The following SRRM1 variants were observed in gnomAD, a reference collection of about 807,000 sequenced individuals.
SRRM1 encodes the protein serine and arginine repetitive matrix 1, also known as serine/arginine repetitive matrix protein 1.
A neutral mutation model predicts 110.2 loss-of-function variants in SRRM1; 19 were observed. The ratio of observed to expected loss-of-function variants is 0.17; its 90% CI spans 0.12 to 0.25. The LOEUF (loss-of-function observed/expected upper bound fraction) is 0.25, where lower values mean the gene tolerates loss of function less well. Among genes scored for constraint, SRRM1 ranks in the 10% least tolerant of loss-of-function variants. The pLI, the probability that SRRM1 is intolerant of heterozygous loss-of-function variation, is 1.00. For missense variants in SRRM1, 918 were observed against 1,145.8 expected, an observed-to-expected ratio of 0.80 and a Z score of 2.87; for synonymous variants, 443 against 414.9, an observed-to-expected ratio of 1.07 and a Z score of -0.82.
At chr1:24,646,152 C>A in intron 2 of SRRM1, 79 bp downstream of exon 2, 1 of 1,060,182 alleles carries the variant, frequency 9.4e-7, no homozygotes, top group Non-Finnish European at 1.4e-6. Context: ...TTTGGAGATG[C>A]ATTGTAACTT....
intron 10 of SRRM1, 103 bp from the exon 11 acceptor site, chr1:24,661,207 G>A (rs781231669): frequency 1.5e-5 from 11 of 733,342 alleles, no homozygotes; most frequent in Non-Finnish European, 2.5e-5. Flanking sequence ...TTGTATTTTT[G>A]ATCCAACCAA....
At position 24,661,018 on chromosome 1, in the gene SRRM1, A is replaced by G. The variant is rs529676956; in HGVS notation, c.1396+219A>G. 870 of 535,842 alleles carry G rather than the reference A, an allele frequency of 1.6e-3. 12 individuals carry two copies. The highest frequency in any genetic ancestry group is 2.4e-4 in the Non-Finnish European group (73 of 299,518). The allele number at this position is 535,842 out of a possible 1,614,324, so 33.2% of individuals were successfully genotyped here. On this transcript the variant is annotated intron_variant, in intron 10 of 16. Transcript: ENST00000323848. ...AACTTATCTGAGCCTTTCTTCTTTC[A>G]TCTCCGAAATAGGGACAGTAGAGGT...
rs139451270 is a variant in SRRM1, at chr1:24,667,849, A to G, written c.1739+924A>G. Among the ~76,000 whole-genome samples the G allele has an allele frequency of 1.3e-3, 197 of 152,268 alleles. 1 individual carries two copies. Among genetic ancestry groups the G allele is most frequent in the Non-Finnish European group, 2.3e-3 (159 of 68,024 alleles). On this transcript the variant is annotated intron_variant, in intron 13 of 16. Coordinates refer to ENST00000323848, the MANE Select transcript of SRRM1 (RefSeq NM_005839.4). ...AAAATATTAGCATGGTGAAGTGGCAAATCTCCTATTTTTGTAGCTCTTCTT... is the reference window on the plus strand; with the variant it reads ...AAAATATTAGCATGGTGAAGTGGCAGATCTCCTATTTTTGTAGCTCTTCTT...
At chr1:24,656,997 G>C (rs1381255375) in intron 9 of SRRM1, among the ~76,000 whole-genome samples, 1 of 152,132 alleles carries the variant, frequency 6.6e-6, no homozygotes, top group African/African-American at 2.4e-5. Flanking sequence ...TACCCAAAGA[G>C]AGGCACTACA....
At chr1:24,646,103 C>G in intron 2 of SRRM1, 30 bp downstream of exon 2, 1 of 1,493,364 alleles carries the variant, frequency 6.7e-7, no homozygotes, top group Admixed American at 1.7e-5. Context: ...TGTTGTGCAT[C>G]TTTATAGCAC....
At chr1:24,649,067 GTA>G in intron 4 of SRRM1, 38 bp downstream of exon 4, 2 of 1,587,904 alleles carry the variant, frequency 1.3e-6, no homozygotes, top group Non-Finnish European at 1.7e-6. Context: ...CGATTTGAGA[GTA>G]TTGGCCAGGC....
At chr1:24,645,947 T>C (rs750511059) in intron 1 of SRRM1, 37 bp from the exon 2 acceptor site, 25 of 1,573,906 alleles carry the variant, frequency 1.6e-5, no homozygotes, top group Non-Finnish European at 2.1e-5. Context: ...GGATTTAACT[T>C]TGAACCCTTA....
In SRRM1 at chr1:24,651,627, A is replaced by G; in HGVS notation, c.725+15A>G. The G allele has an allele frequency of 6.4e-7, 1 of 1,567,022 alleles. No homozygotes were observed. Among genetic ancestry groups the G allele is most frequent in the Non-Finnish European group, 8.7e-7 (1 of 1,149,406 alleles). On this transcript the variant is annotated intron_variant, in intron 6 of 16. Transcript: ENST00000323848. ...ACTTCTACTAGGCAAGTATATAAAA[A>G]TTCATTTATAAATAATCACAATTTT... is the stretch of plus-strand genomic sequence containing the variant.
At chr1:24,650,117 T>A in intron 5 of SRRM1, 31 bp downstream of exon 5, 1 of 1,492,004 alleles carries the variant, frequency 6.7e-7, no homozygotes, top group Middle Eastern at 1.8e-4. Flanking sequence ...AACTGATGTT[T>A]TACAGGTACT....
At position 24,643,966 on chromosome 1, in the gene SRRM1, T is replaced by A. The variant is rs577246362; in HGVS notation, c.21+619T>A. ...TTCAGGGAGGGGGACGTAGATAACT[T>A]GTTGGGACAATGTGAATTTAAGGTT... On this transcript the variant is annotated intron_variant, in intron 1 of 16. Coordinates refer to ENST00000323848, the MANE Select transcript of SRRM1 (RefSeq NM_005839.4). Among the ~76,000 whole-genome samples the A allele has an allele frequency of 1.8e-4, 28 of 152,188 alleles. 1 individual carries two copies. In the South Asian group the frequency reaches 3.5e-3, roughly 19 times the overall value.
intron 3 of SRRM1, chr1:24,647,694 A>G (rs1022704238): frequency 6.6e-6 from 1 of 152,636 alleles, no homozygotes; most frequent in Non-Finnish European, 1.5e-5. Flanking sequence ...TGGCATTTCA[A>G]CTGATAAGGT....
intron 5 of SRRM1, 139 bp downstream of exon 5, chr1:24,650,225 C>T (rs1659843545): frequency 1.4e-6 from 1 of 714,694 alleles, no homozygotes. Flanking sequence ...CTGTGCCTTG[C>T]CTCTGGACTA....
At position 24,655,142 on chromosome 1, in the gene SRRM1, C is replaced by T. The variant is rs767579477; in HGVS notation, c.1315+13C>T. The T allele has an allele frequency of 7.4e-6, 12 of 1,612,700 alleles. No homozygotes were observed. In the East Asian group the frequency reaches 2.7e-4, roughly 36 times the overall value. ...ACTTCAGGTAAAGGTAAAAATCAAA[C>T]ACATATGAAACATGGTCTCTCTTTC... On this transcript the variant is annotated intron_variant, in intron 9 of 16. Coordinates refer to ENST00000323848, the MANE Select transcript of SRRM1 (RefSeq NM_005839.4).
At chr1:24,655,304 T>G (rs1002455097) in intron 9 of SRRM1, among the ~76,000 whole-genome samples, 175 bp downstream of exon 9, 1 of 152,228 alleles carries the variant, frequency 6.6e-6, no homozygotes, top group African/African-American at 2.4e-5. Context: ...ATCTTGGGGC[T>G]TTTTTATGTG....
Position 24,668,038 on chromosome 1 carries a change from C to T in SRRM1, c.1740-1085C>T, listed in dbSNP as rs374873125. ...CCCAGGCTGGAGTGCAGTGGCCGAT[C>T]TCAGCTCACTGTAACCTCCGCCTCC... On this transcript the variant is annotated intron_variant, in intron 13 of 16. Transcript: ENST00000323848. 4.4e-4 allele frequency among the ~76,000 whole-genome samples: 56 copies of T among 128,020 alleles called. 2 individuals are homozygous for T. In the East Asian group the frequency reaches 0.011, roughly 25 times the overall value. The allele number at this position is 128,020 out of a possible 152,430, so 84.0% of individuals were successfully genotyped here.
In SRRM1 at chr1:24,670,158, C is replaced by G; in HGVS notation, c.2243C>G (p.Ser748Ter). 6.2e-7 allele frequency: 1 copy of G among 1,612,542 alleles called. No homozygotes were observed. The highest frequency in any genetic ancestry group is 8.5e-7 in the Non-Finnish European group (1 of 1,179,434). The change falls in exon 15 of 17, where the codon TCA becomes TGA. Residue 748 changes from serine (S) to a stop codon, truncating the protein, a stop_gained. Transcript: ENST00000323848. LOFTEE classifies it high-confidence loss of function. ...AGCCCACAGTCTGTAAGAAGGGTCTCATCCTCCCGATCTGTCTCCGGGTCT... is the reference window on the plus strand; with the variant it reads ...AGCCCACAGTCTGTAAGAAGGGTCTGATCCTCCCGATCTGTCTCCGGGTCT... ...SPSPQSVRRV[S>*]SSRSVSGSPE...
chr1:24,649,848 C>G, intron 4 of SRRM1, 123 bp from the exon 5 acceptor site: 1 of 781,044 alleles, frequency 1.3e-6, no homozygotes, highest in Non-Finnish European at 1.9e-6. Flanking sequence ...AAGAACAGGT[C>G]TGGTTCAAAA....
Position 24,670,264 on chromosome 1 carries a change from T to C in SRRM1, c.2349T>C (p.Ala783=), listed in dbSNP as rs1207753894. The C allele has an allele frequency of 6.2e-7, 1 of 1,614,098 alleles. No homozygotes were observed. Among genetic ancestry groups the C allele is most frequent in the East Asian group, 2.2e-5 (1 of 44,874 alleles). ...SQSPSTNWSP[A]VPVKKAKSPT... ...CACCGTCTACAAACTGGTCACCAGC[T>C]GTACCGGTCAAAAAGGCCAAAAGCC... The change falls in exon 15 of 17, where the codon GCT becomes GCC. Residue 783 remains alanine, a synonymous_variant. Transcript: ENST00000323848.
intron 3 of SRRM1, chr1:24,648,125 A>T (rs1419666799): frequency 6.6e-6 from 1 of 152,168 alleles, no homozygotes; most frequent in Non-Finnish European, 1.5e-5. Context: ...GCGATTCCAA[A>T]CCCCCAAGGT....
Sources: allele counts gnomAD v4.1 joint callset (sites outside exome capture counted in the v4.1 genomes callset), GRCh38; gene constraint gnomAD v4.1.1; transcripts MANE v1.5; gene names NCBI Gene and HGNC (gene_info 2026-07-23, HGNC 2026-07-21).